Variants in NSUN2 observed in about 807,000 individuals in gnomAD.
NSUN2 encodes RNA cytosine C(5)-methyltransferase NSUN2.
NSUN2 carries 63 observed loss-of-function variants against 92.7 expected under a neutral mutation model. That is an observed-to-expected ratio of 0.68 (90% confidence interval 0.56 to 0.84). The LOEUF (loss-of-function observed/expected upper bound fraction) is 0.84. Ranked by LOEUF, NSUN2 falls within the 40% of genes least tolerant of loss-of-function variation. The probability of loss-of-function intolerance (pLI) is 0.00; values close to 1 mark genes in which losing one functional copy is unlikely to be tolerated. For missense variants in NSUN2, 989 were observed against 964.9 expected (o/e 1.02, Z -0.33); for synonymous variants, 356 against 348.3 (o/e 1.02, Z -0.25).
At chr5:6,600,971 C>T (rs1736530578) in intron 18 of NSUN2, among the ~76,000 whole-genome samples, 1 of 152,082 alleles carries the variant, frequency 6.6e-6, no homozygotes, top group Non-Finnish European at 1.5e-5. Flanking sequence ...GAGATGGACG[C>T]CACCATTTCC....
At position 6,611,448 on chromosome 5, in the gene NSUN2, T is replaced by TAAAAAAAAAA. The variant is rs760872450; in HGVS notation, c.1095+267_1095+276dup. 5.3e-4 allele frequency among the ~76,000 whole-genome samples: 46 copies of TAAAAAAAAAA among 86,066 alleles called. 2 individuals are homozygous for TAAAAAAAAAA. Among genetic ancestry groups the TAAAAAAAAAA allele is most frequent in the African/African-American group, 1.6e-3 (36 of 22,458 alleles). 56.5% of individuals were successfully genotyped at this position (86,066 alleles called of 152,430 possible). On this transcript the variant is annotated intron_variant, in intron 10 of 18. Coordinates refer to ENST00000264670, the MANE Select transcript of NSUN2 (RefSeq NM_017755.6). ...ACAAGGCTTGAATCCCGGCCCAATT[T>TAAAAAAAAAA]AAAAAAAAAAAAAAAAAGCAAAGCT...
chr5:6,602,041 C>T (rs1736577314), intron 18 of NSUN2, among the ~76,000 whole-genome samples: 1 of 152,166 alleles, frequency 6.6e-6, no homozygotes, highest in Non-Finnish European at 1.5e-5. Context: ...CAAGCGTGAG[C>T]AAATCCCATG....
rs1737468723 is a variant in NSUN2 at position 6,622,036 on chromosome 5, T to C, written c.602A>G (p.Asp201Gly). The C allele has an allele frequency of 4.3e-6, 7 of 1,613,998 alleles. No homozygotes were observed. Among genetic ancestry groups the C allele is most frequent in the African/African-American group, 2.7e-5 (2 of 74,936 alleles). Residue 201 changes from aspartate to glycine, a missense_variant, in exon 6 of 19, where the codon GAC becomes GGC. Transcript: ENST00000264670. ...CATACCTGGAAAGGGGACATTCATG[T>C]CGGCATGTAGCATTTCAATTAACTG... The part of the protein sequence containing the change: ...TTQLIEMLHA[D>G]MNVPFPEGFV...
Position 6,607,625 on chromosome 5 carries a change from T to C in NSUN2, c.1324-241A>G, listed in dbSNP as rs1046159472. Among the ~76,000 whole-genome samples, 22 of 152,226 alleles carry C rather than the reference T, an allele frequency of 1.4e-4. 1 individual carries two copies. The highest frequency in any genetic ancestry group is 4.1e-4 in the African/African-American group (17 of 41,460). On this transcript the variant is annotated intron_variant, in intron 12 of 18. Coordinates refer to ENST00000264670, the MANE Select transcript of NSUN2 (RefSeq NM_017755.6). ...TTCTACCTTAATCCCACAAAGAGCA[T>C]ATACAGCCTGTTCCTTAGCAGAGGC...
intron 6 of NSUN2, chr5:6,620,731 C>A (rs12522757): frequency 0.11 from 16,412 of 153,152 alleles, 1,201 homozygotes; most frequent in African/African-American, 0.21. Flanking sequence ...AGCACCTGAA[C>A]ACGGAAGCTC....
chr5:6,604,617 C>A lies in NSUN2; in HGVS notation c.1806G>T (p.Arg602=). The change falls in exon 16 of 19, where the codon CGG becomes CGT. Residue 602 remains arginine, a synonymous_variant. Coordinates refer to ENST00000264670, the MANE Select transcript of NSUN2 (RefSeq NM_017755.6). The part of the protein sequence containing the change: ...NSGEEFDCAF[R]LAQEGIYTLY... ...CTTCCAAAATTACCTCCTGTGCCAG[C>A]CGGAAAGCACAGTCAAACTCTTCAC... 2 of 1,614,108 alleles carry A rather than the reference C, an allele frequency of 1.2e-6. No homozygotes were observed. Among genetic ancestry groups the A allele is most frequent in the Non-Finnish European group, 1.7e-6 (2 of 1,179,988 alleles).
intron 6 of NSUN2, 92 bp downstream of exon 6, chr5:6,621,924 G>C: frequency 9.0e-7 from 1 of 1,106,374 alleles, no homozygotes. Context: ...AGACTTTAGA[G>C]CCAAATTAGC....
Position 6,617,925 on chromosome 5 carries a change from T to A in NSUN2, c.890+25A>T, listed in dbSNP as rs767415667. 15 of 1,563,204 alleles carry A rather than the reference T, an allele frequency of 9.6e-6. No homozygotes were observed. In the East Asian group the frequency reaches 2.0e-4, roughly 21 times the overall value. On this transcript the variant is annotated intron_variant, in intron 8 of 18. Coordinates refer to ENST00000264670, the MANE Select transcript of NSUN2 (RefSeq NM_017755.6). ...CTGCTGATCTACTTGTCACACAGTG[T>A]TAGCAGTGATGAAGTTTTACTTACC...
intron 3 of NSUN2, among the ~76,000 whole-genome samples, chr5:6,628,696 A>G (rs919687660): frequency 6.6e-6 from 1 of 152,252 alleles, no homozygotes; most frequent in African/African-American, 2.4e-5. Context: ...TTAGTACCCT[A>G]AAACTGACAG....
At chr5:6,607,472 C>T in intron 12 of NSUN2, 88 bp from the exon 13 acceptor site, 1 of 1,137,024 alleles carries the variant, frequency 8.8e-7, no homozygotes, top group Non-Finnish European at 1.3e-6. Flanking sequence ...TTCACAAAAT[C>T]CATCAGTTAT....
At chr5:6,610,857 C>T in intron 11 of NSUN2, 98 bp downstream of exon 11, 4 of 1,431,874 alleles carry the variant, frequency 2.8e-6, no homozygotes, top group Middle Eastern at 2.2e-4. Flanking sequence ...AGCAATGTCA[C>T]CTGCTGCCTC....
intron 15 of NSUN2, 67 bp from the exon 16 acceptor site, chr5:6,604,752 G>T: frequency 7.6e-7 from 1 of 1,312,470 alleles, no homozygotes; most frequent in East Asian, 2.3e-5. Flanking sequence ...TAAGGATGCC[G>T]GGCCACATGG....
chr5:6,614,124 C>CCTTCCACCT (rs543325766), intron 9 of NSUN2, among the ~76,000 whole-genome samples: 1 of 73,202 alleles, frequency 1.4e-5, no homozygotes, highest in Non-Finnish European at 2.8e-5. Context: ...AAAAAAAAAC[C>CCTTCCACCT]CACAACACAC....
chr5:6,611,693 C>T (rs370177971), intron 10 of NSUN2, 32 bp downstream of exon 10: 1 of 1,599,712 alleles, frequency 6.3e-7, no homozygotes, highest in Non-Finnish European at 8.6e-7. Flanking sequence ...TGCACCTACT[C>T]TTTAGAATGA....
chr5:6,616,922 C>T (rs183915805), intron 8 of NSUN2, 65 bp from the exon 9 acceptor site: 179 of 1,417,670 alleles, frequency 1.3e-4, no homozygotes, highest in Non-Finnish European at 1.6e-4. Context: ...ATTAGAAGCA[C>T]CTCCTTATGT....
At chr5:6,624,044 C>T (rs1349194480) in intron 4 of NSUN2, among the ~76,000 whole-genome samples, 1 of 152,210 alleles carries the variant, frequency 6.6e-6, no homozygotes, top group Non-Finnish European at 1.5e-5. Context: ...GCCACCCAGG[C>T]ATCCATCACT....
chr5:6,618,882 A>G lies in NSUN2; in HGVS notation c.816-858T>C, dbSNP rs145057867. The stretch of plus-strand genomic sequence containing the variant: ...TCTCTGTAAATGCTGATTTTCCTTG[A>G]TGGTCTAGCCGCGTGTACACGAGGG... On this transcript the variant is annotated intron_variant, in intron 7 of 18. Transcript: ENST00000264670. Among the ~76,000 whole-genome samples the G allele has an allele frequency of 9.3e-3, 1,411 of 152,216 alleles. 19 individuals are homozygous for G. Among genetic ancestry groups the G allele is most frequent in the African/African-American group, 0.032 (1,329 of 41,532 alleles).
In NSUN2 at chr5:6,611,778, C is replaced by A; in HGVS notation, c.1042G>T (p.Val348Leu). The change falls in exon 10 of 19, where the codon GTG becomes TTG. Residue 348 changes from valine (V) to leucine (L), a missense_variant. Coordinates refer to ENST00000264670, the MANE Select transcript of NSUN2 (RefSeq NM_017755.6). The part of the protein sequence containing the change: ...KSEGALELAD[V>L]SNELPGLKWM... ...TTCAGCCCTGGCAGTTCATTAGACA[C>A]ATCAGCAAGCTCCAAAGCACCTGTG... is the stretch of plus-strand genomic sequence containing the variant. 1.9e-6 allele frequency: 3 copies of A among 1,614,176 alleles called. No individual in the cohort carries two copies. The highest frequency in any genetic ancestry group is 1.7e-5 in the Admixed American group (1 of 60,026).
chr5:6,627,527 TTA>T (rs1158895073), intron 3 of NSUN2, among the ~76,000 whole-genome samples: 1 of 152,250 alleles, frequency 6.6e-6, no homozygotes, highest in African/African-American at 2.4e-5. Context: ...AAATATAGCC[TTA>T]TATGTCTTTT....
Sources: gnomAD v4.1 joint callset for allele counts (sites outside exome capture counted in the v4.1 genomes callset) on GRCh38, gnomAD v4.1.1 for gene constraint, MANE v1.5 for transcripts, NCBI Gene and HGNC (gene_info 2026-07-23, HGNC 2026-07-21) for gene names.